ADAMTS6: variants seen among roughly 807,000 people sequenced by gnomAD.
ADAMTS6 encodes the protein ADAM metallopeptidase with thrombospondin type 1 motif 6.
ADAMTS6 carries 23 observed loss-of-function variants against 144.3 expected under a neutral mutation model. That is an observed-to-expected ratio of 0.16 (90% confidence interval 0.11 to 0.23). The LOEUF is 0.23. ADAMTS6 is among the 10% of genes least tolerant of loss of function. ADAMTS6 has a pLI of 1.00. For synonymous variants in ADAMTS6, 444 were observed against 457.5 expected (o/e 0.97, Z 0.38); for missense variants, 999 against 1,379.6 (o/e 0.72, Z 4.37).
At chr5:65,449,859 T>C (rs984275233) in intron 7 of ADAMTS6, among the ~76,000 whole-genome samples, 1 of 152,108 alleles carries the variant, frequency 6.6e-6, no homozygotes, top group South Asian at 2.1e-4. Flanking sequence ...TATATGTGCT[T>C]GGTGTAACTT....
chr5:65,282,480 C>T (rs1763057699), intron 11 of ADAMTS6, among the ~76,000 whole-genome samples: 1 of 152,046 alleles, frequency 6.6e-6, no homozygotes, highest in Non-Finnish European at 1.5e-5. Context: ...GCCAGACTCC[C>T]AGTTAATTCT....
intron 7 of ADAMTS6, among the ~76,000 whole-genome samples, chr5:65,431,600 G>A (rs1757004219): frequency 6.6e-6 from 1 of 152,134 alleles, no homozygotes; most frequent in African/African-American, 2.4e-5. Context: ...TAAATATTCT[G>A]TGGGAGCTGA....
intron 22 of ADAMTS6, among the ~76,000 whole-genome samples, chr5:65,176,499 C>A (rs79059700): frequency 0.07 from 10,669 of 152,056 alleles, 1,237 homozygotes; most frequent in African/African-American, 0.24. Context: ...AGTTTTAAAA[C>A]GTTAATTGTA....
At chr5:65,288,956 T>C (rs976290668) in intron 11 of ADAMTS6, among the ~76,000 whole-genome samples, 1 of 152,186 alleles carries the variant, frequency 6.6e-6, no homozygotes, top group African/African-American at 2.4e-5. Context: ...CAGCGTAGAT[T>C]TGTGTAAACC....
chr5:65,266,156 A>G (rs970646892), intron 12 of ADAMTS6, among the ~76,000 whole-genome samples: 4 of 151,916 alleles, frequency 2.6e-5, no homozygotes, highest in Admixed American at 2.0e-4. Context: ...AGTATTTATT[A>G]ATATTATTAC....
intron 14 of ADAMTS6, among the ~76,000 whole-genome samples, chr5:65,259,636 T>C (rs1760993949): frequency 6.6e-6 from 1 of 152,058 alleles, no homozygotes; most frequent in Non-Finnish European, 1.5e-5. Context: ...GAAAAAATAA[T>C]GTGAAGAGAG....
intron 7 of ADAMTS6, among the ~76,000 whole-genome samples, chr5:65,387,197 G>C (rs969457138): frequency 2.0e-5 from 3 of 152,160 alleles, no homozygotes; most frequent in Admixed American, 6.5e-5. Flanking sequence ...TTAGTCTGAA[G>C]TTTAATTTGA....
intron 14 of ADAMTS6, chr5:65,251,540 C>G (rs932897663): frequency 1.3e-5 from 2 of 152,210 alleles, no homozygotes; most frequent in African/African-American, 4.8e-5. Context: ...GTTCCTACTG[C>G]AGCTATTGTC....
At chr5:65,200,140 T>C (rs1323691778) in intron 20 of ADAMTS6, among the ~76,000 whole-genome samples, 1 of 152,164 alleles carries the variant, frequency 6.6e-6, no homozygotes, top group Non-Finnish European at 1.5e-5. Context: ...CTGTACTATC[T>C]TCCTCCAACA....
intron 20 of ADAMTS6, among the ~76,000 whole-genome samples, chr5:65,200,424 CT>C (rs1755658339): frequency 6.6e-6 from 1 of 152,172 alleles, no homozygotes; most frequent in African/African-American, 2.4e-5. Flanking sequence ...TACATAACTT[CT>C]TTTAAAGTAG....
chr5:65,343,082 A>C (rs10045602), intron 7 of ADAMTS6, among the ~76,000 whole-genome samples: 4,842 of 151,604 alleles, frequency 0.032, 236 homozygotes, highest in African/African-American at 0.11. Flanking sequence ...TCCCATGGTT[A>C]TGAATCAGAA....
chr5:65,248,944 T>A (rs554577815), intron 14 of ADAMTS6, among the ~76,000 whole-genome samples: 1 of 152,158 alleles, frequency 6.6e-6, no homozygotes, highest in Non-Finnish European at 1.5e-5. Flanking sequence ...CAATACATCA[T>A]AAATATATAA....
At chr5:65,209,282 T>C (rs1290335119) in intron 20 of ADAMTS6, among the ~76,000 whole-genome samples, 5 of 152,170 alleles carry the variant, frequency 3.3e-5, no homozygotes, top group African/African-American at 1.2e-4. Context: ...TGGTAGCATA[T>C]AAATTCGGGA....
At chr5:65,332,928 G>A (rs943374286) in intron 8 of ADAMTS6, among the ~76,000 whole-genome samples, 1 of 152,038 alleles carries the variant, frequency 6.6e-6, no homozygotes, top group Non-Finnish European at 1.5e-5. Context: ...TTCTTCTTCA[G>A]CCATAAATCC....
chr5:65,304,469 G>C (rs1370116401), intron 9 of ADAMTS6, among the ~76,000 whole-genome samples: 1 of 152,200 alleles, frequency 6.6e-6, no homozygotes, highest in Admixed American at 6.5e-5. Flanking sequence ...GTCTGGCTCT[G>C]TCACCAAGGC....
At chr5:65,327,427 ATT>A (rs78646201) in intron 9 of ADAMTS6, among the ~76,000 whole-genome samples, 1 of 145,112 alleles carries the variant, frequency 6.9e-6, no homozygotes, top group African/African-American at 2.5e-5. Flanking sequence ...GGAAAAACCT[ATT>A]TTTTTTTTTG....
At chr5:65,330,921 G>C (rs1246836097) in intron 8 of ADAMTS6, among the ~76,000 whole-genome samples, 1 of 151,576 alleles carries the variant, frequency 6.6e-6, no homozygotes, top group African/African-American at 2.4e-5. Flanking sequence ...GTTAATTTTT[G>C]GTTAATATTT....
intron 1 of ADAMTS6, among the ~76,000 whole-genome samples, chr5:65,479,934 T>C (rs1189949485): frequency 1.3e-5 from 2 of 152,248 alleles, no homozygotes; most frequent in African/African-American, 2.4e-5. Flanking sequence ...TATTTGCCTC[T>C]AAATGCTATT....
intron 22 of ADAMTS6, among the ~76,000 whole-genome samples, chr5:65,179,988 C>T (rs1369459968): frequency 1.3e-5 from 2 of 151,974 alleles, no homozygotes; most frequent in African/African-American, 4.8e-5. Context: ...ACACATCCCC[C>T]AGGAGCCAGC....
Sources: gnomAD v4.1 joint callset for allele counts (sites outside exome capture counted in the v4.1 genomes callset) on GRCh38, gnomAD v4.1.1 for gene constraint, MANE v1.5 for transcripts, NCBI Gene and HGNC (gene_info 2026-07-23, HGNC 2026-07-21) for gene names.